Variants in CDH13 observed in about 807,000 individuals in gnomAD.
CDH13 encodes cadherin 13.
In CDH13, 24 loss-of-function variants were observed where a neutral mutation model predicts 63.8. The observed-to-expected ratio is 0.38, with a 90% confidence interval of 0.27 to 0.53. The LOEUF (loss-of-function observed/expected upper bound fraction) is 0.53, where lower values mean the gene tolerates loss of function less well. Ranked by LOEUF, CDH13 falls within the 20% of genes least tolerant of loss-of-function variation. The probability of loss-of-function intolerance (pLI) is 0.85; values close to 1 mark genes in which losing one functional copy is unlikely to be tolerated. For missense variants in CDH13, 1,049 were observed against 903.1 expected (o/e 1.16, Z -2.07); for synonymous variants, 503 against 355.3 (o/e 1.42, Z -4.67).
intron 5 of CDH13, among the ~76,000 whole-genome samples, chr16:83,257,466 C>CAA (rs1906436159): frequency 6.6e-6 from 1 of 152,274 alleles, no homozygotes; most frequent in South Asian, 2.1e-4. Flanking sequence ...TCCCACCCAT[C>CAA]TTCGTTCCCT....
At chr16:83,135,792 G>A (rs1328139165) in intron 4 of CDH13, among the ~76,000 whole-genome samples, 3 of 152,140 alleles carry the variant, frequency 2.0e-5, no homozygotes, top group Admixed American at 1.3e-4. Flanking sequence ...ATCCACAAGT[G>A]GATAAAGAAA....
At chr16:82,683,144 A>G (rs1255420167) in intron 1 of CDH13, among the ~76,000 whole-genome samples, 1 of 152,194 alleles carries the variant, frequency 6.6e-6, no homozygotes, top group East Asian at 1.9e-4. Context: ...GCAGGAAAAT[A>G]AGTCGTAGAT....
chr16:83,335,585 A>G (rs961929083), intron 5 of CDH13, among the ~76,000 whole-genome samples: 2 of 152,140 alleles, frequency 1.3e-5, no homozygotes, highest in Non-Finnish European at 2.9e-5. Context: ...AGAAGGAAAA[A>G]GTAAAAACTA....
chr16:83,772,063 T>TG (rs1394853159), intron 11 of CDH13, among the ~76,000 whole-genome samples: 1 of 152,084 alleles, frequency 6.6e-6, no homozygotes, highest in African/African-American at 2.4e-5. Flanking sequence ...TGGAGAAGGA[T>TG]GGGGGGTGAC....
intron 1 of CDH13, among the ~76,000 whole-genome samples, chr16:82,798,786 C>G (rs868686819): frequency 6.6e-6 from 1 of 152,060 alleles, no homozygotes; most frequent in Admixed American, 6.6e-5. Context: ...TCCGTTAAGA[C>G]GATTGCAAGA....
rs189317074 is a variant in CDH13, at chr16:82,922,301, A to G, written c.157+63828A>G. Reference sequence around the variant, plus strand: ...TTGGCAAATTAAATATGACTGGACAACTTTTCACATAAGTAACTAGGAAAG... The same window carrying G: ...TTGGCAAATTAAATATGACTGGACAGCTTTTCACATAAGTAACTAGGAAAG... On this transcript the variant is annotated intron_variant, in intron 2 of 13. Transcript: ENST00000567109. Among the ~76,000 whole-genome samples the G allele has an allele frequency of 1.8e-3, 275 of 152,316 alleles. 2 individuals carry two copies. The highest frequency in any genetic ancestry group is 6.3e-3 in the African/African-American group (261 of 41,574).
intron 7 of CDH13, among the ~76,000 whole-genome samples, chr16:83,534,068 A>G (rs188677478): frequency 1.1e-3 from 166 of 152,294 alleles, no homozygotes; most frequent in African/African-American, 3.8e-3. Context: ...CACCACCTCT[A>G]TCTATATTCT....
chr16:83,506,960 C>G (rs1329204283), intron 7 of CDH13, among the ~76,000 whole-genome samples: 3 of 152,226 alleles, frequency 2.0e-5, no homozygotes, highest in Admixed American at 1.3e-4. Flanking sequence ...TTCCATATCT[C>G]CAAGCCACAA....
At chr16:82,989,852 C>A (rs1911435868) in intron 2 of CDH13, among the ~76,000 whole-genome samples, 1 of 152,264 alleles carries the variant, frequency 6.6e-6, no homozygotes, top group South Asian at 2.1e-4. Context: ...TGAAGCTGCC[C>A]TTGTTAAAAT....
chr16:82,733,892 C>T (rs2033532031), intron 1 of CDH13, among the ~76,000 whole-genome samples: 1 of 152,234 alleles, frequency 6.6e-6, no homozygotes, highest in Non-Finnish European at 1.5e-5. Flanking sequence ...CTATCATGAA[C>T]CAGTGACTTT....
intron 7 of CDH13, among the ~76,000 whole-genome samples, chr16:83,502,869 C>G (rs2074312951): frequency 6.6e-6 from 1 of 152,216 alleles, no homozygotes; most frequent in South Asian, 2.1e-4. Context: ...TCTCAGGCAT[C>G]TCCATCGACA....
At chr16:83,028,930 A>G (rs183844845) in intron 2 of CDH13, among the ~76,000 whole-genome samples, 2 of 152,318 alleles carry the variant, frequency 1.3e-5, no homozygotes, top group Admixed American at 1.3e-4. Context: ...CAGTGGTGAC[A>G]GGCAAATGGT....
intron 6 of CDH13, among the ~76,000 whole-genome samples, chr16:83,379,105 A>C (rs1481686543): frequency 6.6e-6 from 1 of 152,128 alleles, no homozygotes; most frequent in Non-Finnish European, 1.5e-5. Context: ...CCCCATGGGA[A>C]GAATACAATG....
At chr16:83,572,361 G>A (rs112591416) in intron 7 of CDH13, among the ~76,000 whole-genome samples, 5 of 152,118 alleles carry the variant, frequency 3.3e-5, no homozygotes, top group African/African-American at 4.8e-5. Context: ...GGCTGGTCTC[G>A]AACTCCTGAC....
At chr16:83,788,563 A>C (rs1463602431) in intron 13 of CDH13, among the ~76,000 whole-genome samples, 3 of 152,054 alleles carry the variant, frequency 2.0e-5, no homozygotes, top group South Asian at 2.1e-4. Flanking sequence ...CCTGATCTAC[A>C]GATGACAATC....
chr16:82,842,145 T>TATACAC (rs1555528171), intron 1 of CDH13, among the ~76,000 whole-genome samples: 1 of 27,598 alleles, frequency 3.6e-5, no homozygotes, highest in African/African-American at 1.2e-4. Flanking sequence ...TATACACATA[T>TATACAC]ATATATATAT....
At chr16:83,181,758 G>C (rs1478179718) in intron 4 of CDH13, among the ~76,000 whole-genome samples, 2 of 152,108 alleles carry the variant, frequency 1.3e-5, no homozygotes, top group African/African-American at 4.8e-5. Context: ...CTGAATGCCT[G>C]AAATCACAGG....
intron 5 of CDH13, among the ~76,000 whole-genome samples, chr16:83,224,716 C>T (rs1329949340): frequency 1.3e-5 from 2 of 152,210 alleles, no homozygotes. Context: ...CATTCTAATA[C>T]TCTGACACCT....
At chr16:83,023,298 C>G (rs1915509644) in intron 2 of CDH13, among the ~76,000 whole-genome samples, 1 of 146,976 alleles carries the variant, frequency 6.8e-6, no homozygotes, top group Non-Finnish European at 1.5e-5. Context: ...GGTGTTTTCA[C>G]TACCCCCCGA....
Sources: gnomAD v4.1 joint callset for allele counts (sites outside exome capture counted in the v4.1 genomes callset) on GRCh38, gnomAD v4.1.1 for gene constraint, MANE v1.5 for transcripts, NCBI Gene and HGNC (gene_info 2026-07-23, HGNC 2026-07-21) for gene names.